LRFN5: variants seen among roughly 807,000 people sequenced by gnomAD.
The protein encoded by LRFN5 is leucine rich repeat and fibronectin type III domain containing 5, also known as leucine-rich repeat and fibronectin type-III domain-containing protein 5.
LRFN5 carries 24 observed loss-of-function variants against 45.6 expected under a neutral mutation model. The ratio of observed to expected loss-of-function variants is 0.53; its 90% confidence interval spans 0.38 to 0.74. The LOEUF (loss-of-function observed/expected upper bound fraction) is 0.74, where lower values mean the gene tolerates loss of function less well. Ranked by LOEUF, LRFN5 falls within the 30% of genes least tolerant of loss-of-function variation. LRFN5 has a pLI of 0.00. For missense variants in LRFN5, 776 were observed against 861.5 expected, an observed-to-expected ratio of 0.90 and a Z score of 1.24; for synonymous variants, 340 against 313.8, an observed-to-expected ratio of 1.08 and a Z score of -0.88.
At chr14:41,647,497 T>G (rs1879872568) in intron 1 of LRFN5, among the ~76,000 whole-genome samples, 1 of 152,148 alleles carries the variant, frequency 6.6e-6, no homozygotes, top group Non-Finnish European at 1.5e-5. Context: ...GGCATGAGGC[T>G]GTTTATGAAG....
rs146811754 is a variant in LRFN5, at chr14:41,619,694, T to C, written c.-197+11132T>C. On this transcript the variant is annotated intron_variant, in intron 1 of 5. Coordinates refer to ENST00000298119, the MANE Select transcript of LRFN5 (RefSeq NM_152447.5). ...TTCATATGCTGCATATGGCAATATATGTATATTGCAATATATGTACATATA... is the reference window on the plus strand; with the variant it reads ...TTCATATGCTGCATATGGCAATATACGTATATTGCAATATATGTACATATA... 7.4e-3 allele frequency among the ~76,000 whole-genome samples: 1,125 copies of C among 152,156 alleles called. 28 individuals carry two copies. The highest frequency in any genetic ancestry group is 0.053 in the Admixed American group (802 of 15,254).
chr14:41,752,643 C>A (rs987722221), intron 1 of LRFN5, among the ~76,000 whole-genome samples: 5 of 152,062 alleles, frequency 3.3e-5, no homozygotes, highest in Non-Finnish European at 7.4e-5. Context: ...TGTTTCAGTT[C>A]ATTGTAGATT....
At chr14:41,655,331 T>G (rs956956106) in intron 1 of LRFN5, among the ~76,000 whole-genome samples, 2 of 152,044 alleles carry the variant, frequency 1.3e-5, no homozygotes, top group African/African-American at 4.8e-5. Flanking sequence ...TAATAATATT[T>G]GAACAGAGAC....
At chr14:41,888,728 C>T (rs1594498848) in intron 3 of LRFN5, among the ~76,000 whole-genome samples, 1 of 152,088 alleles carries the variant, frequency 6.6e-6, no homozygotes, top group Non-Finnish European at 1.5e-5. Flanking sequence ...GTGAAAGTAT[C>T]ACTGGAATTA....
chr14:41,756,850 C>T (rs1885411763), intron 1 of LRFN5, among the ~76,000 whole-genome samples: 2 of 152,210 alleles, frequency 1.3e-5, no homozygotes, highest in South Asian at 4.2e-4. Context: ...TTAGAGTTTC[C>T]AGTTTTTCTG....
At chr14:41,721,136 GTTC>G (rs1478209597) in intron 1 of LRFN5, among the ~76,000 whole-genome samples, 1 of 152,070 alleles carries the variant, frequency 6.6e-6, no homozygotes, top group African/African-American at 2.4e-5. Context: ...ATTATGTAAT[GTTC>G]TTCTTTGGCT....
intron 2 of LRFN5, among the ~76,000 whole-genome samples, chr14:41,774,017 C>T (rs1380499722): frequency 6.6e-6 from 1 of 152,156 alleles, no homozygotes; most frequent in Non-Finnish European, 1.5e-5. Context: ...GTGTTGCTAA[C>T]ACTATGGTTC....
At chr14:41,772,776 C>A (rs769551382) in intron 2 of LRFN5, among the ~76,000 whole-genome samples, 66 of 152,112 alleles carry the variant, frequency 4.3e-4, no homozygotes, top group Non-Finnish European at 7.5e-4. Flanking sequence ...CACCATATAC[C>A]AGTAAAATTC....
intron 1 of LRFN5, among the ~76,000 whole-genome samples, chr14:41,672,310 G>A (rs2138662240): frequency 6.6e-6 from 1 of 152,164 alleles, no homozygotes; most frequent in African/African-American, 2.4e-5. Context: ...GTTCCTTTGT[G>A]TCTCGTGTAA....
intron 1 of LRFN5, among the ~76,000 whole-genome samples, chr14:41,710,417 C>T (rs1032772554): frequency 1.3e-5 from 2 of 151,918 alleles, no homozygotes; most frequent in South Asian, 2.1e-4. Context: ...AAATACCTAA[C>T]GTGGTTATAT....
intron 2 of LRFN5, among the ~76,000 whole-genome samples, chr14:41,779,721 G>C (rs1408854067): frequency 6.6e-6 from 1 of 151,710 alleles, no homozygotes; most frequent in Non-Finnish European, 1.5e-5. Flanking sequence ...CAAGGAATTG[G>C]TCCATTTTGT....
chr14:41,655,143 C>T (rs1356547825), intron 1 of LRFN5, among the ~76,000 whole-genome samples: 1 of 152,022 alleles, frequency 6.6e-6, no homozygotes, highest in Non-Finnish European at 1.5e-5. Context: ...ACAAGACAAA[C>T]TGTCTATGGA....
chr14:41,765,739 T>A (rs1197295884), intron 1 of LRFN5, among the ~76,000 whole-genome samples: 1 of 152,210 alleles, frequency 6.6e-6, no homozygotes, highest in Admixed American at 6.5e-5. Context: ...CAGCATTGAT[T>A]GACAGATTCA....
chr14:41,673,198 G>T (rs1881322139), intron 1 of LRFN5, among the ~76,000 whole-genome samples: 1 of 151,976 alleles, frequency 6.6e-6, no homozygotes, highest in Non-Finnish European at 1.5e-5. Context: ...AACCGCCATT[G>T]TCATCATGGC....
chr14:41,674,034 G>A (rs1277615705), intron 1 of LRFN5, among the ~76,000 whole-genome samples: 1 of 139,838 alleles, frequency 7.2e-6, no homozygotes, highest in East Asian at 2.3e-4. Flanking sequence ...GGGCAGAGAG[G>A]CTCCTCACTT....
intron 1 of LRFN5, among the ~76,000 whole-genome samples, chr14:41,637,687 T>C (rs775286038): frequency 1.3e-5 from 2 of 152,154 alleles, no homozygotes; most frequent in Non-Finnish European, 2.9e-5. Context: ...ATTAATATTA[T>C]AGGTTGCTTA....
intron 2 of LRFN5, among the ~76,000 whole-genome samples, chr14:41,783,017 G>T (rs1038024727): frequency 3.8e-5 from 5 of 132,974 alleles, no homozygotes; most frequent in Non-Finnish European, 7.7e-5. Flanking sequence ...GAAGCCTAGT[G>T]TTGGCTCAAG....
At chr14:41,867,236 C>A (rs1889871018) in intron 2 of LRFN5, among the ~76,000 whole-genome samples, 1 of 151,846 alleles carries the variant, frequency 6.6e-6, no homozygotes, top group Non-Finnish European at 1.5e-5. Flanking sequence ...TTTAATAGTT[C>A]TTTGACTCTT....
At chr14:41,674,146 C>G in intron 1 of LRFN5, among the ~76,000 whole-genome samples, 1 of 135,090 alleles carries the variant, frequency 7.4e-6, no homozygotes, top group Admixed American at 7.3e-5. Context: ...CCAGTAGGGG[C>G]GGCCGGGCAG....
Sources: allele counts gnomAD v4.1 joint callset (sites outside exome capture counted in the v4.1 genomes callset), GRCh38; gene constraint gnomAD v4.1.1; transcripts MANE v1.5; gene names NCBI Gene and HGNC (gene_info 2026-07-23, HGNC 2026-07-21).